GRIK2: variants seen among roughly 807,000 people sequenced by gnomAD.
GRIK2 encodes the protein glutamate receptor ionotropic, kainate 2.
GRIK2 carries 32 observed loss-of-function variants against 100.3 expected under a neutral mutation model. The ratio of observed to expected loss-of-function variants is 0.32; its 90% CI spans 0.24 to 0.43. The LOEUF (loss-of-function observed/expected upper bound fraction) is 0.43. Among genes scored for constraint, GRIK2 ranks in the 20% least tolerant of loss-of-function variants. The probability of loss-of-function intolerance (pLI) is 1.00; values close to 1 mark genes in which losing one functional copy is unlikely to be tolerated. For missense variants in GRIK2, 843 were observed against 1,114.9 expected, an observed-to-expected ratio of 0.76 and a Z score of 3.47; for synonymous variants, 417 against 389.4, an observed-to-expected ratio of 1.07 and a Z score of -0.83.
chr6:101,544,998 T>C (rs1776168409), intron 2 of GRIK2, among the ~76,000 whole-genome samples: 1 of 152,192 alleles, frequency 6.6e-6, no homozygotes, highest in Non-Finnish European at 1.5e-5. Context: ...GATCGCCACA[T>C]ATATTTTCTA....
At chr6:101,996,182 T>C (rs932459002) in intron 14 of GRIK2, among the ~76,000 whole-genome samples, 45 of 152,106 alleles carry the variant, frequency 3.0e-4, no homozygotes, top group African/African-American at 1.1e-3. Context: ...TATGCCGAAG[T>C]TCATTTCTAA....
chr6:101,653,482 C>T (rs115890654), intron 4 of GRIK2, among the ~76,000 whole-genome samples: 86 of 152,106 alleles, frequency 5.7e-4, no homozygotes, highest in African/African-American at 2.0e-3. Context: ...TTGCAGTTCC[C>T]CAAACTCGTC....
intron 11 of GRIK2, among the ~76,000 whole-genome samples, chr6:101,887,305 A>T (rs1388136720): frequency 6.6e-6 from 1 of 152,198 alleles, no homozygotes; most frequent in Non-Finnish European, 1.5e-5. Flanking sequence ...CGATAAATAC[A>T]TAAAATTTTA....
chr6:101,712,879 CTCT>C (rs1188051177), intron 7 of GRIK2, among the ~76,000 whole-genome samples: 2 of 151,794 alleles, frequency 1.3e-5, no homozygotes, highest in Non-Finnish European at 2.9e-5. Flanking sequence ...ATAATCATGA[CTCT>C]TCTTCCTCAA....
Position 101,771,394 on chromosome 6 carries a change from C to T in GRIK2, c.952-28254C>T, listed in dbSNP as rs559404632. 1.3e-5 allele frequency among the ~76,000 whole-genome samples: 2 copies of T among 151,856 alleles called. 1 individual carries two copies. Among genetic ancestry groups the T allele is most frequent in the South Asian group, 4.1e-4 (2 of 4,832 alleles). On this transcript the variant is annotated intron_variant, in intron 7 of 16. Transcript: ENST00000369134. ...TATCCTTTTAGACAAATTTCTGGAACCTTCATTTAAATGAACACAGATGTA... is the reference window on the plus strand; with the variant it reads ...TATCCTTTTAGACAAATTTCTGGAATCTTCATTTAAATGAACACAGATGTA...
chr6:101,964,852 A>G (rs1182818669), intron 14 of GRIK2, among the ~76,000 whole-genome samples: 1 of 152,194 alleles, frequency 6.6e-6, no homozygotes, highest in East Asian at 1.9e-4. Flanking sequence ...TCTCCAGGTC[A>G]TGCAAGGCAG....
chr6:101,543,443 G>A (rs1356981611), intron 2 of GRIK2, among the ~76,000 whole-genome samples: 1 of 152,160 alleles, frequency 6.6e-6, no homozygotes. Flanking sequence ...AACCCTACCA[G>A]TACCAAATAT....
intron 2 of GRIK2, among the ~76,000 whole-genome samples, chr6:101,559,646 C>G (rs1463698246): frequency 6.6e-6 from 1 of 152,046 alleles, no homozygotes; most frequent in African/African-American, 2.4e-5. Context: ...TTAATACCTC[C>G]ATCCTTAACT....
chr6:101,943,645 A>G (rs934013830), intron 14 of GRIK2, among the ~76,000 whole-genome samples: 4 of 152,156 alleles, frequency 2.6e-5, no homozygotes, highest in Admixed American at 2.6e-4. Context: ...TTAAGATTTA[A>G]TGACTGCCCT....
At chr6:102,061,130 A>G (rs1771729530) in intron 16 of GRIK2, among the ~76,000 whole-genome samples, 1 of 150,600 alleles carries the variant, frequency 6.6e-6, no homozygotes, top group African/African-American at 2.4e-5. Context: ...CATTTTGCTT[A>G]CTGATCTACT....
chr6:101,543,183 A>G (rs1354745243), intron 2 of GRIK2, among the ~76,000 whole-genome samples: 1 of 152,206 alleles, frequency 6.6e-6, no homozygotes, highest in East Asian at 1.9e-4. Context: ...CTGGAAGAAC[A>G]TCTAATGCAG....
chr6:101,775,343 C>T (rs1244604191), intron 7 of GRIK2, among the ~76,000 whole-genome samples: 1 of 152,050 alleles, frequency 6.6e-6, no homozygotes, highest in African/African-American at 2.4e-5. Context: ...CTGGCCAAGA[C>T]AGTTTCTTAT....
At chr6:101,770,753 C>T (rs1192424074) in intron 7 of GRIK2, among the ~76,000 whole-genome samples, 1 of 152,106 alleles carries the variant, frequency 6.6e-6, no homozygotes, top group Non-Finnish European at 1.5e-5. Context: ...TCTGATTATT[C>T]CTGAACCTGC....
chr6:101,403,755 A>G (rs1775451832), intron 2 of GRIK2, among the ~76,000 whole-genome samples: 1 of 152,134 alleles, frequency 6.6e-6, no homozygotes, highest in Admixed American at 6.5e-5. Flanking sequence ...TTACATCTGG[A>G]AGCAGGAAAA....
intron 2 of GRIK2, among the ~76,000 whole-genome samples, chr6:101,524,957 T>C (rs528595689): frequency 2.5e-3 from 376 of 152,160 alleles, no homozygotes; most frequent in Non-Finnish European, 4.5e-3. Flanking sequence ...GGTCTCGAAC[T>C]CCTGACTTCA....
intron 2 of GRIK2, among the ~76,000 whole-genome samples, chr6:101,417,352 G>A (rs1476576813): frequency 6.6e-6 from 1 of 152,156 alleles, no homozygotes; most frequent in Admixed American, 6.5e-5. Flanking sequence ...TATGTAAGAA[G>A]GTGAAGTTCC....
chr6:101,464,031 A>G (rs891087080), intron 2 of GRIK2, among the ~76,000 whole-genome samples: 4 of 152,194 alleles, frequency 2.6e-5, no homozygotes, highest in South Asian at 2.1e-4. Context: ...GAAAAAATAT[A>G]TAAGATACAT....
intron 7 of GRIK2, among the ~76,000 whole-genome samples, chr6:101,690,906 T>G (rs1467009100): frequency 6.6e-6 from 1 of 152,232 alleles, no homozygotes; most frequent in African/African-American, 2.4e-5. Context: ...ATTTTATATG[T>G]GTGGTCCTTT....
intron 12 of GRIK2, among the ~76,000 whole-genome samples, chr6:101,913,409 A>G (rs1425612584): frequency 2.0e-5 from 3 of 151,154 alleles, no homozygotes; most frequent in Non-Finnish European, 3.0e-5. Flanking sequence ...AAAGAATTTC[A>G]TTTTTCTGTG....
Sources: gnomAD v4.1 joint callset for allele counts (sites outside exome capture counted in the v4.1 genomes callset) on GRCh38, gnomAD v4.1.1 for gene constraint, MANE v1.5 for transcripts, NCBI Gene and HGNC (gene_info 2026-07-23, HGNC 2026-07-21) for gene names.